The following DDX60 variants were observed in gnomAD, a reference collection of about 807,000 sequenced individuals.
DDX60 encodes the protein DExD/H-box helicase 60.
A neutral mutation model predicts 212.8 loss-of-function variants in DDX60; 165 were observed. The observed-to-expected ratio is 0.78, with a 90% CI of 0.68 to 0.88. The LOEUF is 0.88. Among genes scored for constraint, DDX60 ranks in the 40% least tolerant of loss-of-function variants. The pLI, the probability that DDX60 is intolerant of heterozygous loss-of-function variation, is 0.00. For missense variants in DDX60, 1,905 were observed against 2,003.9 expected (o/e 0.95, Z 0.94); for synonymous variants, 703 against 685.3 (o/e 1.03, Z -0.40).
At chr4:168,258,573 G>A (rs1734505737) in intron 25 of DDX60, among the ~76,000 whole-genome samples, 1 of 152,132 alleles carries the variant, frequency 6.6e-6, no homozygotes, top group Admixed American at 6.5e-5. Flanking sequence ...GTAATACCAA[G>A]GATGTTCACA....
At chr4:168,286,644 A>C (rs1274149193) in intron 10 of DDX60, among the ~76,000 whole-genome samples, 1 of 151,872 alleles carries the variant, frequency 6.6e-6, no homozygotes, top group Non-Finnish European at 1.5e-5. Context: ...AGAGGTGGAG[A>C]GCCCATGTGG....
intron 23 of DDX60, 72 bp from the exon 24 acceptor site, chr4:168,262,200 C>T (rs1034459603): frequency 6.7e-6 from 10 of 1,483,420 alleles, no homozygotes; most frequent in African/African-American, 1.4e-5. Flanking sequence ...AATTATATGC[C>T]TCATTAACAG....
chr4:168,265,562 T>C (rs1001777166), intron 22 of DDX60: 1 of 152,102 alleles, frequency 6.6e-6, no homozygotes, highest in African/African-American at 2.4e-5. Flanking sequence ...TCATCTGGGG[T>C]CACAGCACAC....
chr4:168,228,172 A>G (rs1261018895), intron 33 of DDX60, among the ~76,000 whole-genome samples: 2 of 152,106 alleles, frequency 1.3e-5, no homozygotes, highest in African/African-American at 2.4e-5. Context: ...GCTGTAACAC[A>G]ATGGTAAGTA....
At chr4:168,311,565 G>C (rs1311623485) in intron 1 of DDX60, among the ~76,000 whole-genome samples, 200 bp from the exon 2 acceptor site, 1 of 152,150 alleles carries the variant, frequency 6.6e-6, no homozygotes. Context: ...ACAAAGTCAA[G>C]AGGTCAGAGG....
rs1188417800 is a variant in DDX60, at chr4:168,286,726, C to T, written c.1339+322G>A. ...AATGTTATAAAAAGATGTTTGGTGT[C>T]TCTTATTCAGCATCTCAAGTGCTTT... On this transcript the variant is annotated intron_variant, in intron 10 of 37. Transcript: ENST00000393743. Among the ~76,000 whole-genome samples, 4 of 152,046 alleles carry T rather than the reference C, an allele frequency of 2.6e-5. No individual in the cohort carries two copies. In the East Asian group the frequency reaches 7.7e-4, roughly 29 times the overall value.
chr4:168,293,191 C>G (rs1736184020), intron 7 of DDX60, among the ~76,000 whole-genome samples: 1 of 152,132 alleles, frequency 6.6e-6, no homozygotes, highest in Admixed American at 6.5e-5. Flanking sequence ...GACTGGCCAA[C>G]AGATTCTTAA....
At chr4:168,256,632 C>T (rs545325959) in intron 25 of DDX60, among the ~76,000 whole-genome samples, 2 of 152,236 alleles carry the variant, frequency 1.3e-5, no homozygotes, top group East Asian at 3.9e-4. Context: ...CAAACATTTC[C>T]TATGTTTATT....
rs1733950553 is a variant in DDX60 at position 168,244,329 on chromosome 4, TTGAGACAAGGCACTGGCACTACAGCCTA to T, written c.4164+2061_4164+2088del. Among the ~76,000 whole-genome samples the T allele has an allele frequency of 2.1e-5, 3 of 144,512 alleles. 1 individual carries two copies. Among genetic ancestry groups the T allele is most frequent in the Admixed American group, 2.0e-4 (3 of 14,638 alleles). 94.8% of individuals were successfully genotyped at this position (144,512 alleles called of 152,430 possible). A position where few individuals can be genotyped will look rare whatever the true frequency, so the allele number is the denominator to read the frequency against. ...ATGGGTGCCAAATGATATGACTTCT[TTGAGACAAGGCACTGGCACTACAGCCTA>T]TGGTATAGAGACAATATAAATTGAC... On this transcript the variant is annotated intron_variant, in intron 30 of 37. Transcript: ENST00000393743.
At position 168,302,348 on chromosome 4, in the gene DDX60, T is replaced by A. The variant is rs1736682604; in HGVS notation, c.675A>T (p.Ala225=). The A allele has an allele frequency of 1.3e-6, 2 of 1,593,828 alleles. No individual in the cohort carries two copies. Among genetic ancestry groups the A allele is most frequent in the South Asian group, 2.3e-5 (2 of 87,086 alleles). Residue 225 remains alanine (A), a synonymous_variant, in exon 6 of 38, where the codon GCA becomes GCT. Transcript: ENST00000393743. The part of the protein sequence containing the change: ...LNQLERFKLS[A]LAPLFGSLKW... The stretch of plus-strand genomic sequence containing the variant: ...TTAAACTTCCAAAAAGAGGTGCTAA[T>A]GCTGAAAGCTTAAATCTTTCCAACT...
rs1298291912 is a variant in DDX60 at position 168,283,493 on chromosome 4, T to C, written c.1675A>G (p.Ile559Val). The change falls in exon 13 of 38, where the codon ATT (isoleucine) becomes GTT (valine). Residue 559 changes from isoleucine (I) to valine (V), a missense_variant. By Grantham distance (29) the Ile-to-Val change is conservative. Transcript: ENST00000393743. Reference protein sequence around the residue: ...VSSKIIVTQTIKSKKDFSGPK... With the variant: ...VSSKIIVTQTVKSKKDFSGPK... ...CCACTAAAATCCTTCTTTGACTTAA[T>C]AGTTTGAGTCACGATGATTTTCGAA... The C allele has an allele frequency of 8.1e-6, 13 of 1,613,564 alleles. No homozygotes were observed. Among genetic ancestry groups the C allele is most frequent in the Admixed American group, 1.7e-5 (1 of 59,996 alleles).
chr4:168,231,093 G>A (rs1308887527), intron 33 of DDX60, among the ~76,000 whole-genome samples: 3 of 151,656 alleles, frequency 2.0e-5, no homozygotes, highest in African/African-American at 4.8e-5. Context: ...CACACAAACT[G>A]GAAAACTTAG....
At chr4:168,243,391 G>C (rs1002441865) in intron 30 of DDX60, among the ~76,000 whole-genome samples, 1 of 151,848 alleles carries the variant, frequency 6.6e-6, no homozygotes, top group Non-Finnish European at 1.5e-5. Flanking sequence ...GAGTCTACAA[G>C]GAACTTAAAC....
chr4:168,309,429 TA>T (rs1014302550), intron 3 of DDX60, among the ~76,000 whole-genome samples: 19 of 152,156 alleles, frequency 1.2e-4, no homozygotes, highest in Non-Finnish European at 2.6e-4. Context: ...AGGACCATTG[TA>T]AAAAAATTTT....
intron 25 of DDX60, among the ~76,000 whole-genome samples, 195 bp from the exon 26 acceptor site, chr4:168,256,064 T>C (rs955130972): frequency 1.3e-5 from 2 of 151,780 alleles, no homozygotes; most frequent in Non-Finnish European, 2.9e-5. Flanking sequence ...TAGTAAATAA[T>C]GTTGCCTACC....
At position 168,280,390 on chromosome 4, in the gene DDX60, C is replaced by T. The variant is rs764608832; in HGVS notation, c.1923G>A (p.Met641Ile). The T allele has an allele frequency of 5.1e-5, 82 of 1,614,032 alleles. No homozygotes were observed. The highest frequency in any genetic ancestry group is 6.8e-5 in the Non-Finnish European group (80 of 1,180,024). ...CTTTCAAGCAAGCAGTTAACCCCAC[C>T]ATTTCAACCTGAAGTTTCACACAGC... is the stretch of plus-strand genomic sequence containing the variant. Reference protein sequence around the residue: ...KSSCVKLQVEMVGLTACLKAW... With the variant: ...KSSCVKLQVEIVGLTACLKAW... The change falls in exon 14 of 38, where the codon ATG becomes ATA. Residue 641 changes from methionine (M) to isoleucine (I), a missense_variant. Transcript: ENST00000393743.
At chr4:168,306,311 A>AAC in intron 5 of DDX60, 68 bp downstream of exon 5, 1 of 1,221,216 alleles carries the variant, frequency 8.2e-7, no homozygotes, top group Non-Finnish European at 1.1e-6. Flanking sequence ...GAGGAGAAAA[A>AAC]ACTGAGTCAA....
chr4:168,252,962 A>C (rs1734273593), intron 26 of DDX60, among the ~76,000 whole-genome samples: 2 of 151,950 alleles, frequency 1.3e-5, no homozygotes, highest in Admixed American at 1.3e-4. Context: ...CCACCACCGC[A>C]CCTGGCTAAA....
intron 19 of DDX60, among the ~76,000 whole-genome samples, chr4:168,271,202 A>C (rs1277148407): frequency 1.3e-5 from 2 of 152,140 alleles, no homozygotes; most frequent in Non-Finnish European, 2.9e-5. Context: ...ATAATGCTGC[A>C]ATATAGCTTT....
Sources: allele counts gnomAD v4.1 joint callset (sites outside exome capture counted in the v4.1 genomes callset), GRCh38; gene constraint gnomAD v4.1.1; transcripts MANE v1.5; gene names NCBI Gene and HGNC (gene_info 2026-07-23, HGNC 2026-07-21).